The following SAXO1 variants were observed in gnomAD, a reference collection of about 807,000 sequenced individuals.
SAXO1 encodes 4930500O09Rik.
In SAXO1, 21 loss-of-function variants were observed where a neutral mutation model predicts 17.5. The observed-to-expected ratio is 1.20, with a 90% CI of 0.85 to 1.72. SAXO1 has a LOEUF of 1.72. Ranked by LOEUF, SAXO1 falls within the 40% of genes most tolerant of loss-of-function variation. The probability of loss-of-function intolerance (pLI) is 0.00; values close to 1 mark genes in which losing one functional copy is unlikely to be tolerated. For missense variants in SAXO1, 843 were observed against 596.0 expected (o/e 1.41, Z -4.32); for synonymous variants, 274 against 216.5 (o/e 1.27, Z -2.33).
chr9:19,011,797 C>A (rs1834739245), intron 1 of SAXO1, among the ~76,000 whole-genome samples: 1 of 151,716 alleles, frequency 6.6e-6, no homozygotes, highest in African/African-American at 2.4e-5. Flanking sequence ...TCTTCTTTCT[C>A]AAATTCCATA....
intron 1 of SAXO1, among the ~76,000 whole-genome samples, chr9:18,956,768 T>C (rs1009492938): frequency 2.6e-5 from 4 of 152,220 alleles, no homozygotes; most frequent in Admixed American, 6.5e-5. Flanking sequence ...CAGGCTGTAA[T>C]TAAAAGGCTA....
chr9:18,946,347 G>A (rs550889559), intron 2 of SAXO1, among the ~76,000 whole-genome samples: 2 of 148,688 alleles, frequency 1.3e-5, no homozygotes, highest in African/African-American at 5.0e-5. Context: ...GCAAAATGAG[G>A]AAAGAAACCT....
rs190095229 is a variant in SAXO1, at chr9:18,963,624, G to A, written c.39-12687C>T. On this transcript the variant is annotated intron_variant, in intron 1 of 3. Coordinates refer to ENST00000380534, the MANE Select transcript of SAXO1 (RefSeq NM_153707.4). ...ATATTAGTGTATAGAAATGCTTGTG[G>A]GTTTTGCACATTGATTTCTTATCCT... is the stretch of plus-strand genomic sequence containing the variant. Among the ~76,000 whole-genome samples the A allele has an allele frequency of 7.1e-4, 108 of 152,164 alleles. 2 individuals carry two copies. Among genetic ancestry groups the A allele is most frequent in the Admixed American group, 3.9e-3 (60 of 15,278 alleles).
intron 1 of SAXO1, among the ~76,000 whole-genome samples, chr9:18,968,276 C>T (rs1284883097): frequency 6.6e-6 from 1 of 152,142 alleles, no homozygotes; most frequent in Non-Finnish European, 1.5e-5. Flanking sequence ...AACTCTTGGG[C>T]TCAAGCAATC....
chr9:18,972,020 A>C (rs930813256), intron 1 of SAXO1, among the ~76,000 whole-genome samples: 1 of 152,194 alleles, frequency 6.6e-6, no homozygotes, highest in Admixed American at 6.5e-5. Context: ...CGCTGGAAAA[A>C]TTGTACTTTT....
At chr9:18,964,188 G>A (rs536092115) in intron 1 of SAXO1, among the ~76,000 whole-genome samples, 4 of 152,256 alleles carry the variant, frequency 2.6e-5, no homozygotes, top group Admixed American at 6.5e-5. Flanking sequence ...TTTTAGTGAG[G>A]ATTTTTGTAT....
intron 1 of SAXO1, among the ~76,000 whole-genome samples, chr9:19,021,187 C>T (rs1835218438): frequency 6.6e-6 from 1 of 152,156 alleles, no homozygotes. Context: ...ACCAGGAGCT[C>T]TTTTCTGTGG....
chr9:18,999,025 T>A (rs889962444), intron 1 of SAXO1, among the ~76,000 whole-genome samples: 1 of 152,222 alleles, frequency 6.6e-6, no homozygotes, highest in Non-Finnish European at 1.5e-5. Context: ...AGACCACTGA[T>A]GCTATGAAGA....
chr9:18,998,745 A>G (rs924615985), intron 1 of SAXO1, among the ~76,000 whole-genome samples: 3 of 152,238 alleles, frequency 2.0e-5, no homozygotes, highest in East Asian at 1.9e-4. Context: ...AGGGAAGCCC[A>G]TTAGACTAAC....
intron 1 of SAXO1, among the ~76,000 whole-genome samples, chr9:19,042,289 A>G (rs941436222): frequency 6.6e-6 from 1 of 152,224 alleles, no homozygotes; most frequent in Non-Finnish European, 1.5e-5. Context: ...ATGATGGGCA[A>G]TAACAAATGC....
At chr9:19,010,576 G>A (rs17236081) in intron 1 of SAXO1, among the ~76,000 whole-genome samples, 72,068 of 151,828 alleles carry the variant, frequency 0.47, 18,170 homozygotes, top group Non-Finnish European at 0.57. Context: ...TTGTCCCAAA[G>A]CCCTTTCTTG....
intron 1 of SAXO1, among the ~76,000 whole-genome samples, chr9:19,000,574 C>G (rs560463114): frequency 1.3e-5 from 2 of 152,006 alleles, no homozygotes; most frequent in Non-Finnish European, 2.9e-5. Context: ...TACGCCCCAC[C>G]ATCTGGGAAG....
chr9:18,951,161 G>T (rs1832023633), intron 1 of SAXO1, among the ~76,000 whole-genome samples: 1 of 152,116 alleles, frequency 6.6e-6, no homozygotes, highest in Non-Finnish European at 1.5e-5. Context: ...TTGGATCAGA[G>T]AATTACACAC....
chr9:19,020,342 T>C (rs970158317), intron 1 of SAXO1, among the ~76,000 whole-genome samples: 17 of 124,684 alleles, frequency 1.4e-4, no homozygotes, highest in Admixed American at 1.0e-3. Flanking sequence ...CCTGTCGAAA[T>C]AATTTTTTTT....
At chr9:18,938,821 C>CGTGCGTGT (rs759584592) in intron 3 of SAXO1, among the ~76,000 whole-genome samples, 4 of 78,510 alleles carry the variant, frequency 5.1e-5, no homozygotes, top group African/African-American at 1.9e-4. Context: ...TGCGTGCGTG[C>CGTGCGTGT]GTGTGTGTGT....
At chr9:18,992,374 T>G (rs943585402) in intron 1 of SAXO1, among the ~76,000 whole-genome samples, 2 of 152,218 alleles carry the variant, frequency 1.3e-5, no homozygotes, top group Admixed American at 6.5e-5. Flanking sequence ...CACATTGTCT[T>G]CCCTCTGTCC....
chr9:18,959,528 T>C (rs1458469805), intron 1 of SAXO1, among the ~76,000 whole-genome samples: 4 of 151,980 alleles, frequency 2.6e-5, no homozygotes, highest in Admixed American at 1.3e-4. Context: ...CCCAGCACTA[T>C]AGGAGGACAG....
At chr9:18,960,887 G>A (rs961764739) in intron 1 of SAXO1, among the ~76,000 whole-genome samples, 1 of 152,196 alleles carries the variant, frequency 6.6e-6, no homozygotes, top group African/African-American at 2.4e-5. Flanking sequence ...AAAAAAGTCA[G>A]ATAAGGGGTT....
intron 1 of SAXO1, among the ~76,000 whole-genome samples, chr9:18,987,265 C>T (rs749729968): frequency 2.6e-5 from 4 of 152,032 alleles, no homozygotes; most frequent in South Asian, 4.2e-4. Context: ...CAGGGAGAGC[C>T]GCATGTTTTC....
Sources: allele counts gnomAD v4.1 joint callset (sites outside exome capture counted in the v4.1 genomes callset), GRCh38; gene constraint gnomAD v4.1.1; transcripts MANE v1.5; gene names NCBI Gene and HGNC (gene_info 2026-07-23, HGNC 2026-07-21).